SORCS3: variants seen among roughly 807,000 people sequenced by gnomAD.
SORCS3 encodes the protein sortilin related VPS10 domain containing receptor 3.
A neutral mutation model predicts 146.3 loss-of-function variants in SORCS3; 57 were observed. The ratio of observed to expected loss-of-function variants is 0.39; its 90% CI spans 0.31 to 0.49. The LOEUF (loss-of-function observed/expected upper bound fraction) is 0.49. Among genes scored for constraint, SORCS3 ranks in the 20% least tolerant of loss-of-function variants. SORCS3 has a pLI of 0.92. For synonymous variants in SORCS3, 653 were observed against 618.5 expected (o/e 1.06, Z -0.83); for missense variants, 1,341 against 1,575.5 (o/e 0.85, Z 2.52).
chr10:104,727,572 A>G (rs930598109), intron 1 of SORCS3, among the ~76,000 whole-genome samples: 3 of 151,476 alleles, frequency 2.0e-5, no homozygotes, highest in Non-Finnish European at 1.5e-5. Flanking sequence ...TATAAGATGC[A>G]TACACGCTTA....
intron 1 of SORCS3, among the ~76,000 whole-genome samples, chr10:104,811,850 C>T (rs1565418): frequency 0.15 from 23,120 of 152,108 alleles, 2,163 homozygotes; most frequent in Middle Eastern, 0.21. Context: ...AAGGAATGGC[C>T]TGCCAAGAGA....
chr10:105,110,497 A>G (rs1253636644), intron 7 of SORCS3, among the ~76,000 whole-genome samples: 1 of 151,670 alleles, frequency 6.6e-6, no homozygotes, highest in East Asian at 1.9e-4. Flanking sequence ...TAATGCTGTG[A>G]GTTCTTCCCA....
chr10:104,909,032 G>C lies in SORCS3; in HGVS notation c.696-6801G>C, dbSNP rs74155061. Reference sequence around the variant, plus strand: ...CAAAAGCAGGGTGAGAACATGACTCGGGGGTGGGACAGAGGTGGAGGCTGA... The same window carrying C: ...CAAAAGCAGGGTGAGAACATGACTCCGGGGTGGGACAGAGGTGGAGGCTGA... On this transcript the variant is annotated intron_variant, in intron 2 of 26. Transcript: ENST00000369701. Among the ~76,000 whole-genome samples, 163 of 152,230 alleles carry C rather than the reference G, an allele frequency of 1.1e-3. 2 individuals are homozygous for C. Among genetic ancestry groups the C allele is most frequent in the Middle Eastern group, 3.4e-3 (1 of 294 alleles).
rs147797646 is a variant in SORCS3 at position 104,998,319 on chromosome 10, AC to A, written c.954+20827del. ...TCTCTCAACCTGCCTCATTTTCTGT[AC>A]ATTGAAAATAATGATGGAAAGATGA... On this transcript the variant is annotated intron_variant, in intron 4 of 26. Transcript: ENST00000369701. 9.2e-3 allele frequency among the ~76,000 whole-genome samples: 1,399 copies of A among 152,204 alleles called. 24 individuals carry two copies. The highest frequency in any genetic ancestry group is 0.032 in the African/African-American group (1,323 of 41,512).
At chr10:105,207,181 T>C (rs1401843134) in intron 16 of SORCS3, among the ~76,000 whole-genome samples, 1 of 152,004 alleles carries the variant, frequency 6.6e-6, no homozygotes, top group Non-Finnish European at 1.5e-5. Flanking sequence ...CAAAGTCATT[T>C]CTCCTCTTTT....
chr10:104,921,485 G>GTC (rs374928379), intron 3 of SORCS3, among the ~76,000 whole-genome samples: 5,396 of 146,302 alleles, frequency 0.037, 206 homozygotes, highest in African/African-American at 0.095. Context: ...AGAGGTACAT[G>GTC]TCTCTCTCTC....
chr10:105,214,112 A>G (rs879509087), intron 17 of SORCS3, among the ~76,000 whole-genome samples: 9 of 152,136 alleles, frequency 5.9e-5, no homozygotes, highest in Non-Finnish European at 7.4e-5. Context: ...CCTGAGTCCA[A>G]TGAGTCTGCC....
Position 104,977,512 on chromosome 10 carries a change from C to T in SORCS3, c.954+19C>T, listed in dbSNP as rs771577013. Reference sequence around the variant, plus strand: ...TCAAAAGGTGAATAAATACTATTTTCATTTACTTCTTGTCATCCAGGTACC... The same window carrying T: ...TCAAAAGGTGAATAAATACTATTTTTATTTACTTCTTGTCATCCAGGTACC... On this transcript the variant is annotated intron_variant, in intron 4 of 26. Transcript: ENST00000369701. The T allele has an allele frequency of 1.9e-6, 3 of 1,577,760 alleles. No individual in the cohort carries two copies. In the African/African-American group the frequency reaches 4.1e-5, roughly 21 times the overall value.
chr10:105,192,380 C>T (rs1479357239), intron 14 of SORCS3, among the ~76,000 whole-genome samples: 4 of 152,166 alleles, frequency 2.6e-5, no homozygotes, highest in Middle Eastern at 3.4e-3. Flanking sequence ...TTGAAGCCTG[C>T]GTCTCTTGAT....
intron 1 of SORCS3, among the ~76,000 whole-genome samples, chr10:104,672,101 C>T (rs2015862542): frequency 6.6e-6 from 1 of 152,066 alleles, no homozygotes; most frequent in African/African-American, 2.4e-5. Context: ...ACCATCAGGT[C>T]CAGGGTTTTT....
chr10:104,796,790 C>G (rs1238999283), intron 1 of SORCS3, among the ~76,000 whole-genome samples: 1 of 152,182 alleles, frequency 6.6e-6, no homozygotes, highest in Non-Finnish European at 1.5e-5. Context: ...GGGTGTAAAA[C>G]AAGTTCTGGG....
At chr10:105,087,487 G>A (rs1176239433) in intron 5 of SORCS3, among the ~76,000 whole-genome samples, 1 of 142,248 alleles carries the variant, frequency 7.0e-6, no homozygotes. Flanking sequence ...TCTCTTCTGG[G>A]AAAAAAAAAA....
At chr10:104,961,797 A>G (rs978687783) in intron 3 of SORCS3, among the ~76,000 whole-genome samples, 1 of 152,118 alleles carries the variant, frequency 6.6e-6, no homozygotes, top group Admixed American at 6.6e-5. Flanking sequence ...CCCAAATACA[A>G]TGAACTGAAT....
chr10:104,993,810 A>G (rs1685168871), intron 4 of SORCS3, among the ~76,000 whole-genome samples: 2 of 152,218 alleles, frequency 1.3e-5, no homozygotes, highest in Non-Finnish European at 2.9e-5. Context: ...GAAAAAGCTC[A>G]TTTAATCTCC....
intron 1 of SORCS3, among the ~76,000 whole-genome samples, chr10:104,742,635 G>A (rs756764280): frequency 6.6e-6 from 1 of 152,202 alleles, no homozygotes; most frequent in African/African-American, 2.4e-5. Flanking sequence ...AGCTGGGCCT[G>A]GGGCCTCAAG....
At chr10:104,836,786 A>C (rs921647217) in intron 1 of SORCS3, among the ~76,000 whole-genome samples, 1 of 151,774 alleles carries the variant, frequency 6.6e-6, no homozygotes, top group East Asian at 1.9e-4. Flanking sequence ...ATCATGGTGC[A>C]CTCAACACAG....
In SORCS3 at chr10:104,737,754, T is replaced by C. The variant is rs895135390; in HGVS notation, c.627+95800T>C. Among the ~76,000 whole-genome samples the C allele has an allele frequency of 2.0e-5, 3 of 151,916 alleles. No individual in the cohort carries two copies. In the South Asian group the frequency reaches 6.3e-4, roughly 32 times the overall value. ...TGTTCACTCTGATGGTAGTTTCTTT[T>C]GCTGTGCAGAAGCTCTTGAGTTTAA... On this transcript the variant is annotated intron_variant, in intron 1 of 26. Transcript: ENST00000369701.
intron 3 of SORCS3, among the ~76,000 whole-genome samples, chr10:104,925,867 A>G (rs2019139603): frequency 6.6e-6 from 1 of 152,268 alleles, no homozygotes; most frequent in Non-Finnish European, 1.5e-5. Context: ...GCTCCTATGC[A>G]GCTTATTTTA....
intron 5 of SORCS3, among the ~76,000 whole-genome samples, chr10:105,081,383 T>C (rs1267716593): frequency 6.6e-6 from 1 of 152,120 alleles, no homozygotes; most frequent in Admixed American, 6.5e-5. Flanking sequence ...ATGTTCCAAG[T>C]TGGATTCTAG....
Sources: allele counts gnomAD v4.1 joint callset (sites outside exome capture counted in the v4.1 genomes callset), GRCh38; gene constraint gnomAD v4.1.1; transcripts MANE v1.5; gene names NCBI Gene and HGNC (gene_info 2026-07-23, HGNC 2026-07-21).